IMMP2L: variants seen among roughly 807,000 people sequenced by gnomAD.
The protein encoded by IMMP2L is inner mitochondrial membrane peptidase subunit 2.
IMMP2L carries 18 observed loss-of-function variants against 19.3 expected under a neutral mutation model. That is an observed-to-expected ratio of 0.93 (90% CI 0.64 to 1.38). IMMP2L has a LOEUF of 1.38. Among genes scored for constraint, IMMP2L ranks in the 40% most tolerant of loss-of-function variants. The pLI, the probability that IMMP2L is intolerant of heterozygous loss-of-function variation, is 0.00. For synonymous variants in IMMP2L, 76 were observed against 73.0 expected (o/e 1.04, Z -0.21); for missense variants, 233 against 218.2 (o/e 1.07, Z -0.43).
At chr7:111,544,150 A>T (rs1848710639) in intron 1 of IMMP2L, among the ~76,000 whole-genome samples, 2 of 152,098 alleles carry the variant, frequency 1.3e-5, no homozygotes, top group South Asian at 4.1e-4. Context: ...TCCCAAGGAC[A>T]GAAACCAAAC....
At chr7:111,411,845 G>C in intron 3 of IMMP2L, 1 of 206,554 alleles carries the variant, frequency 4.8e-6, no homozygotes, top group Non-Finnish European at 1.0e-5. Context: ...CAGACTGAAG[G>C]AATATCATTA....
intron 5 of IMMP2L, among the ~76,000 whole-genome samples, chr7:110,790,780 C>A (rs562082165): frequency 8.6e-5 from 13 of 151,850 alleles, no homozygotes; most frequent in Non-Finnish European, 1.8e-4. Flanking sequence ...ATGGTTTAGT[C>A]AAACTAAAGT....
intron 4 of IMMP2L, among the ~76,000 whole-genome samples, chr7:110,943,362 TA>T (rs905733007): frequency 3.9e-5 from 6 of 152,014 alleles, no homozygotes; most frequent in African/African-American, 1.4e-4. Flanking sequence ...AAGAGAACTC[TA>T]AAAAAGACTT....
rs10230126 is a variant in IMMP2L, at chr7:110,721,853, A to C, written c.409-58132T>G. On this transcript the variant is annotated intron_variant, in intron 5 of 5. Transcript: ENST00000405709. ...AAGAAAGTGTTTCAAATACTTTGCA[A>C]TATAAGGAAGAGGGATAAGAACAAG... 6.4e-3 allele frequency among the ~76,000 whole-genome samples: 973 copies of C among 152,236 alleles called. 11 individuals carry two copies. Among genetic ancestry groups the C allele is most frequent in the African/African-American group, 0.022 (915 of 41,558 alleles).
In IMMP2L at chr7:111,334,796, T is replaced by G. The variant is rs148161801; in HGVS notation, c.239+152442A>C. ...TAATACCAGACTACTAAAATTATTGTTTTTTAAACCTTCACTTGTATTTCT... is the reference window on the plus strand; with the variant it reads ...TAATACCAGACTACTAAAATTATTGGTTTTTAAACCTTCACTTGTATTTCT... On this transcript the variant is annotated intron_variant, in intron 3 of 5. Coordinates refer to ENST00000405709, the MANE Select transcript of IMMP2L (RefSeq NM_032549.4). Among the ~76,000 whole-genome samples the G allele has an allele frequency of 1.8e-3, 279 of 152,190 alleles. 7 individuals carry two copies. In the South Asian group the frequency reaches 0.041, roughly 23 times the overall value.
intron 3 of IMMP2L, among the ~76,000 whole-genome samples, chr7:111,224,572 G>A (rs560975756): frequency 1.3e-5 from 2 of 152,122 alleles, no homozygotes; most frequent in Non-Finnish European, 2.9e-5. Flanking sequence ...CTTGGTGACA[G>A]AGGGTGACAA....
chr7:110,696,401 C>G (rs188415433), intron 5 of IMMP2L, among the ~76,000 whole-genome samples: 46 of 150,064 alleles, frequency 3.1e-4, no homozygotes, highest in African/African-American at 1.0e-3. Context: ...GAATAAGTAT[C>G]TGCACTGAGA....
chr7:111,210,802 C>T (rs1009183652), intron 3 of IMMP2L, among the ~76,000 whole-genome samples: 14 of 151,948 alleles, frequency 9.2e-5, no homozygotes, highest in African/African-American at 3.1e-4. Context: ...TAATCTTTTT[C>T]TGAGAGTGAG....
At chr7:111,294,925 A>G (rs1344617029) in intron 3 of IMMP2L, among the ~76,000 whole-genome samples, 3 of 151,940 alleles carry the variant, frequency 2.0e-5, no homozygotes, top group Non-Finnish European at 2.9e-5. Flanking sequence ...TGGACTTTTC[A>G]ATAACTGAGA....
At chr7:111,106,763 A>G (rs1226935767) in intron 3 of IMMP2L, among the ~76,000 whole-genome samples, 2 of 150,480 alleles carry the variant, frequency 1.3e-5, no homozygotes, top group African/African-American at 4.9e-5. Flanking sequence ...ACTATACTGT[A>G]TAAGACTTCT....
chr7:111,296,441 G>C (rs1821647110), intron 3 of IMMP2L, among the ~76,000 whole-genome samples: 1 of 151,762 alleles, frequency 6.6e-6, no homozygotes, highest in Non-Finnish European at 1.5e-5. Context: ...AACATCACTA[G>C]ATAATTAGGA....
chr7:110,703,534 C>T (rs546950354), intron 5 of IMMP2L, among the ~76,000 whole-genome samples: 5 of 152,048 alleles, frequency 3.3e-5, no homozygotes, highest in South Asian at 2.1e-4. Flanking sequence ...CTCAGTTTTT[C>T]GAAACCTCAG....
chr7:111,203,719 G>C (rs1015610447), intron 3 of IMMP2L, among the ~76,000 whole-genome samples: 1 of 151,188 alleles, frequency 6.6e-6, no homozygotes, highest in African/African-American at 2.4e-5. Flanking sequence ...CTGGAGGAAG[G>C]GACATAGGTT....
chr7:111,167,026 C>T (rs1805895834), intron 3 of IMMP2L, among the ~76,000 whole-genome samples: 1 of 151,960 alleles, frequency 6.6e-6, no homozygotes, highest in East Asian at 1.9e-4. Flanking sequence ...GGGCAGGTCA[C>T]CATTCAACCC....
In IMMP2L at chr7:110,925,575, G is replaced by A. The variant is rs1047951567; in HGVS notation, c.305+37925C>T. ...TCTTTATAATCTCCTGCTTCATTAG[G>A]TAGGAAAAAACACATCAATAATCAA... On this transcript the variant is annotated intron_variant, in intron 4 of 5. Coordinates refer to ENST00000405709, the MANE Select transcript of IMMP2L (RefSeq NM_032549.4). Among the ~76,000 whole-genome samples the A allele has an allele frequency of 1.1e-4, 17 of 151,954 alleles. No individual in the cohort carries two copies. In the East Asian group the frequency reaches 1.4e-3, roughly 12 times the overall value.
intron 3 of IMMP2L, among the ~76,000 whole-genome samples, chr7:111,054,753 T>C (rs2129573643): frequency 6.6e-6 from 1 of 152,334 alleles, no homozygotes; most frequent in Admixed American, 6.5e-5. Flanking sequence ...TCAATTGCTC[T>C]AAAATCAATC....
In IMMP2L at chr7:110,833,759, T is replaced by C. The variant is rs950050830; in HGVS notation, c.408+52834A>G. Among the ~76,000 whole-genome samples, 4 of 152,322 alleles carry C rather than the reference T, an allele frequency of 2.6e-5. No individual in the cohort carries two copies. The East Asian group carries it at 7.7e-4, about 29-fold the overall frequency. On this transcript the variant is annotated intron_variant, in intron 5 of 5. Coordinates refer to ENST00000405709, the MANE Select transcript of IMMP2L (RefSeq NM_032549.4). Reference sequence around the variant, plus strand: ...CTGTATTTCAATGGTAACTCAGCTGTCTAAGTGCATCTCAGCCCTTTGGTT... The same window carrying C: ...CTGTATTTCAATGGTAACTCAGCTGCCTAAGTGCATCTCAGCCCTTTGGTT...
At chr7:111,353,314 T>A (rs1203257817) in intron 3 of IMMP2L, among the ~76,000 whole-genome samples, 1 of 152,226 alleles carries the variant, frequency 6.6e-6, no homozygotes, top group Admixed American at 6.5e-5. Flanking sequence ...AACACAGGGC[T>A]GCCATGTCTC....
At chr7:110,966,462 G>T (rs1819553752) in intron 3 of IMMP2L, among the ~76,000 whole-genome samples, 1 of 151,710 alleles carries the variant, frequency 6.6e-6, no homozygotes, top group African/African-American at 2.4e-5. Flanking sequence ...TAACATTAAT[G>T]AAATAATATA....
Sources: allele counts gnomAD v4.1 joint callset (sites outside exome capture counted in the v4.1 genomes callset), GRCh38; gene constraint gnomAD v4.1.1; transcripts MANE v1.5; gene names NCBI Gene and HGNC (gene_info 2026-07-23, HGNC 2026-07-21).